DSCAM: variants seen among roughly 807,000 people sequenced by gnomAD.
DSCAM encodes the protein cell adhesion molecule DSCAM.
DSCAM carries 47 observed loss-of-function variants against 217.7 expected under a neutral mutation model. The ratio of observed to expected loss-of-function variants is 0.22; its 90% confidence interval spans 0.17 to 0.28. DSCAM has a LOEUF of 0.28. DSCAM is among the 10% of genes least tolerant of loss of function. The pLI, the probability that DSCAM is intolerant of heterozygous loss-of-function variation, is 1.00. For synonymous variants in DSCAM, 1,056 were observed against 1,015.3 expected (o/e 1.04, Z -0.76); for missense variants, 2,080 against 2,618.3 (o/e 0.79, Z 4.49).
chr21:40,202,635 T>C (rs985508141), intron 11 of DSCAM, among the ~76,000 whole-genome samples: 5 of 152,228 alleles, frequency 3.3e-5, no homozygotes, highest in African/African-American at 1.2e-4. Flanking sequence ...TACCTGAAGA[T>C]TCTTGTCCAA....
chr21:40,041,928 G>C (rs1266377683), intron 32 of DSCAM, among the ~76,000 whole-genome samples: 2 of 152,138 alleles, frequency 1.3e-5, no homozygotes, highest in East Asian at 3.9e-4. Context: ...TTGCCCAATA[G>C]AATATGACAG....
intron 11 of DSCAM, among the ~76,000 whole-genome samples, chr21:40,244,935 G>T (rs551068830): frequency 6.7e-6 from 1 of 149,092 alleles, no homozygotes; most frequent in African/African-American, 2.4e-5. Flanking sequence ...TCCGCCGACT[G>T]CCAAGGGCTT....
At chr21:40,302,151 G>A (rs1468436865) in intron 9 of DSCAM, among the ~76,000 whole-genome samples, 1 of 152,084 alleles carries the variant, frequency 6.6e-6, no homozygotes, top group Non-Finnish European at 1.5e-5. Context: ...TGGTGAGCCG[G>A]CTTGCCAATA....
intron 19 of DSCAM, among the ~76,000 whole-genome samples, chr21:40,130,242 A>G (rs1411342760): frequency 6.6e-6 from 1 of 152,188 alleles, no homozygotes; most frequent in Admixed American, 6.5e-5. Context: ...GTATTATAGT[A>G]TTGGCAAATA....
At chr21:40,022,694 C>T (rs2146425454) in intron 32 of DSCAM, among the ~76,000 whole-genome samples, 1 of 152,200 alleles carries the variant, frequency 6.6e-6, no homozygotes. Flanking sequence ...CTGTCTCTGC[C>T]TCTGCTTCTG....
At chr21:40,598,503 T>TG (rs1415382218) in intron 3 of DSCAM, among the ~76,000 whole-genome samples, 115 of 133,904 alleles carry the variant, frequency 8.6e-4, no homozygotes, top group African/African-American at 3.2e-3. Context: ...AACTGTTTTT[T>TG]TTTTTTTTTT....
At chr21:40,534,984 A>T (rs956768004) in intron 3 of DSCAM, among the ~76,000 whole-genome samples, 3 of 152,100 alleles carry the variant, frequency 2.0e-5, no homozygotes, top group Admixed American at 6.6e-5. Context: ...GACTTTTCTG[A>T]TAGACATACC....
rs148457305 is a variant in DSCAM at position 40,515,899 on chromosome 21, AACATGATAT to A, written c.509-146663_509-146655del. ...GGTTGTTATGACCCACATTCTTGGG[AACATGATAT>A]ACTTTTTAAAGGACTCTACAAAACT... On this transcript the variant is annotated intron_variant, in intron 3 of 32. Transcript: ENST00000400454. Among the ~76,000 whole-genome samples, 1,056 of 152,258 alleles carry A rather than the reference AACATGATAT, an allele frequency of 6.9e-3. 10 individuals carry two copies. The highest frequency in any genetic ancestry group is 0.024 in the African/African-American group (989 of 41,542).
At position 40,104,686 on chromosome 21, in the gene DSCAM, T is replaced by C. The variant is rs940997701; in HGVS notation, c.3697-10812A>G. ...TACAACCCCAAGAGTAAGTCTTACATAAACTATGAACACTGGCTAATAATG... is the reference window on the plus strand; with the variant it reads ...TACAACCCCAAGAGTAAGTCTTACACAAACTATGAACACTGGCTAATAATG... On this transcript the variant is annotated intron_variant, in intron 20 of 32. Transcript: ENST00000400454. Among the ~76,000 whole-genome samples the C allele has an allele frequency of 2.0e-5, 3 of 152,120 alleles. No homozygotes were observed. In the South Asian group the frequency reaches 6.2e-4, roughly 32 times the overall value.
chr21:40,722,461 T>C (rs192949972), intron 1 of DSCAM, among the ~76,000 whole-genome samples: 206 of 152,280 alleles, frequency 1.4e-3, no homozygotes, highest in Non-Finnish European at 1.9e-3. Context: ...AAGTAAGCCA[T>C]GTTACTTTGA....
chr21:40,275,558 T>C (rs1236221270), intron 11 of DSCAM, among the ~76,000 whole-genome samples: 1 of 152,208 alleles, frequency 6.6e-6, no homozygotes, highest in African/African-American at 2.4e-5. Flanking sequence ...CCTTTTTCTA[T>C]ATATTGGGCC....
chr21:40,457,133 C>A (rs1428236660), intron 3 of DSCAM, among the ~76,000 whole-genome samples: 2 of 151,958 alleles, frequency 1.3e-5, no homozygotes, highest in South Asian at 2.1e-4. Context: ...AAAATATAAC[C>A]AAGTTAATTT....
At chr21:40,199,862 G>A (rs1272949228) in intron 11 of DSCAM, among the ~76,000 whole-genome samples, 1 of 151,938 alleles carries the variant, frequency 6.6e-6, no homozygotes, top group Non-Finnish European at 1.5e-5. Flanking sequence ...GATGGGTGCA[G>A]CAAACCACCA....
chr21:40,282,760 TC>T (rs935399666), intron 10 of DSCAM, among the ~76,000 whole-genome samples: 4 of 152,150 alleles, frequency 2.6e-5, no homozygotes, highest in African/African-American at 9.6e-5. Context: ...TAAATAATTT[TC>T]ACCAGAAAAA....
intron 3 of DSCAM, among the ~76,000 whole-genome samples, chr21:40,508,573 A>G (rs2076227296): frequency 6.6e-6 from 1 of 150,954 alleles, no homozygotes; most frequent in South Asian, 2.1e-4. Flanking sequence ...TGTTATCATC[A>G]TTATTATTAT....
chr21:40,231,762 C>A (rs756697352), intron 11 of DSCAM, among the ~76,000 whole-genome samples: 22 of 152,144 alleles, frequency 1.4e-4, no homozygotes, highest in Non-Finnish European at 3.1e-4. Flanking sequence ...CTTGGCCTCC[C>A]AAAGTGCTGG....
chr21:40,295,661 T>C (rs976037294), intron 10 of DSCAM, among the ~76,000 whole-genome samples: 3 of 152,222 alleles, frequency 2.0e-5, no homozygotes, highest in Non-Finnish European at 4.4e-5. Context: ...CTCTAAATAC[T>C]GGGGAAATAG....
At chr21:40,380,131 G>A (rs957894131) in intron 3 of DSCAM, among the ~76,000 whole-genome samples, 5 of 152,170 alleles carry the variant, frequency 3.3e-5, no homozygotes, top group African/African-American at 1.2e-4. Context: ...GCAGTTAAAT[G>A]AGGCTCAATT....
chr21:40,512,239 T>C (rs970814493), intron 3 of DSCAM, among the ~76,000 whole-genome samples: 2 of 152,108 alleles, frequency 1.3e-5, no homozygotes, highest in African/African-American at 4.8e-5. Context: ...AACCTTGTTC[T>C]TTCTTACAAA....
Sources: allele counts gnomAD v4.1 joint callset (sites outside exome capture counted in the v4.1 genomes callset), GRCh38; gene constraint gnomAD v4.1.1; transcripts MANE v1.5; gene names NCBI Gene and HGNC (gene_info 2026-07-23, HGNC 2026-07-21).